Variants in CCDC28A observed in about 807,000 individuals in gnomAD.
CCDC28A encodes the protein coiled-coil domain-containing protein 28A.
CCDC28A carries 24 observed loss-of-function variants against 22.1 expected under a neutral mutation model. The observed-to-expected ratio is 1.09, with a 90% CI of 0.79 to 1.53. The LOEUF (loss-of-function observed/expected upper bound fraction) is 1.53, where lower values mean the gene tolerates loss of function less well. Among genes scored for constraint, CCDC28A ranks in the 40% most tolerant of loss-of-function variants. CCDC28A has a pLI of 0.00. For missense variants in CCDC28A, 170 were observed against 210.7 expected (o/e 0.81, Z 1.20); for synonymous variants, 83 against 74.7 (o/e 1.11, Z -0.57).
intron 4 of CCDC28A, among the ~76,000 whole-genome samples, chr6:138,788,117 C>T (rs764677499): frequency 6.6e-6 from 1 of 151,244 alleles, no homozygotes; most frequent in Non-Finnish European, 1.5e-5. Context: ...TGCGTCACCA[C>T]GCCTGTCTAA....
chr6:138,776,857 T>C (rs1774941439), intron 2 of CCDC28A, among the ~76,000 whole-genome samples: 1 of 152,144 alleles, frequency 6.6e-6, no homozygotes, highest in South Asian at 2.1e-4. Context: ...GTCATTGTTT[T>C]TGTATAAACT....
intron 2 of CCDC28A, among the ~76,000 whole-genome samples, chr6:138,778,793 A>G (rs1353638287): frequency 6.8e-6 from 1 of 146,536 alleles, no homozygotes; most frequent in Non-Finnish European, 1.5e-5. Context: ...TTTGACACGG[A>G]GTCTCGCTCT....
intron 4 of CCDC28A, among the ~76,000 whole-genome samples, chr6:138,787,627 T>G (rs1217698238): frequency 1.3e-5 from 2 of 152,172 alleles, no homozygotes; most frequent in Non-Finnish European, 2.9e-5. Context: ...ATGATTGTTA[T>G]TATGCCTGGT....
At chr6:138,785,466 A>C in intron 4 of CCDC28A, 85 bp downstream of exon 4, 1 of 957,660 alleles carries the variant, frequency 1.0e-6, no homozygotes, top group South Asian at 1.6e-5. Context: ...TAATGTATAC[A>C]ATCACGTGGT....
rs570098099 is a variant in CCDC28A at position 138,793,158 on chromosome 6, C to T, written c.*355C>T. 2.9e-4 allele frequency: 63 copies of T among 219,334 alleles called. No homozygotes were observed. The highest frequency in any genetic ancestry group is 1.3e-3 in the African/African-American group (55 of 43,004). 13.6% of individuals were successfully genotyped at this position (219,334 alleles called of 1,614,324 possible). A position where few individuals can be genotyped will look rare whatever the true frequency, so the allele number is the denominator to read the frequency against. ...TCACCAAACTTATTCCAGTGTTGAT[C>T]GCAAGCTGTTGATGCACAGGCGTCT... On this transcript the variant is annotated 3_prime_UTR_variant, in exon 6 of 6. Coordinates refer to ENST00000617445, the MANE Select transcript of CCDC28A (RefSeq NM_015439.3).
rs761780999 is a variant in CCDC28A, at chr6:138,776,148, AG to A, written c.29del (p.Ser10IlefsTer22). 1.1e-5 allele frequency: 17 copies of A among 1,614,072 alleles called. No homozygotes were observed. In the African/African-American group the frequency reaches 1.2e-4, roughly 11 times the overall value. MEERKVKRR[S>X]PKSFSAHCTQ... ...GGAAGAGCGGAAAGTGAAGAGGAGGAGTCCTAAGTCTTTTAGTGCCCACTGT... is the reference window on the plus strand; with the variant it reads ...GGAAGAGCGGAAAGTGAAGAGGAGGATCCTAAGTCTTTTAGTGCCCACTGT... On this transcript the variant is annotated frameshift_variant, in exon 2 of 6. Coordinates refer to ENST00000617445, the MANE Select transcript of CCDC28A (RefSeq NM_015439.3). LOFTEE classifies it high-confidence loss of function.
At chr6:138,790,030 G>T (rs1387652099) in intron 5 of CCDC28A, among the ~76,000 whole-genome samples, 1 of 152,160 alleles carries the variant, frequency 6.6e-6, no homozygotes, top group Non-Finnish European at 1.5e-5. Context: ...GTTAAAGAAG[G>T]GGGTAAGACT....
chr6:138,773,991 G>A, intron 1 of CCDC28A, 89 bp downstream of exon 1: 2 of 1,472,928 alleles, frequency 1.4e-6, no homozygotes, highest in East Asian at 2.3e-5. Flanking sequence ...GGGCGGTGAA[G>A]GGTCATCGCT....
intron 4 of CCDC28A, among the ~76,000 whole-genome samples, chr6:138,787,626 A>G (rs1775112563): frequency 6.6e-6 from 1 of 152,082 alleles, no homozygotes; most frequent in South Asian, 2.1e-4. Context: ...GATGATTGTT[A>G]TTATGCCTGG....
rs1775004869 is a variant in CCDC28A at position 138,780,681 on chromosome 6, TC to T, written c.322+697del. Among the ~76,000 whole-genome samples the T allele has an allele frequency of 3.3e-5, 5 of 151,734 alleles. No individual in the cohort carries two copies. The South Asian group carries it at 1.0e-3, about 32-fold the overall frequency. On this transcript the variant is annotated intron_variant, in intron 3 of 5. Transcript: ENST00000617445. ...CCTCCACCTCTCGGGTTCAAGTGAT[TC>T]TCCTGCCTCAACCTCCCCAGTAGCT...
At chr6:138,778,398 G>T (rs1336151629) in intron 2 of CCDC28A, among the ~76,000 whole-genome samples, 1 of 152,078 alleles carries the variant, frequency 6.6e-6, no homozygotes, top group Non-Finnish European at 1.5e-5. Flanking sequence ...GCCTTCTCTG[G>T]TTGGTCCCAC....
intron 2 of CCDC28A, 32 bp from the exon 3 acceptor site, chr6:138,779,790 C>A: frequency 6.4e-7 from 1 of 1,560,058 alleles, no homozygotes; most frequent in Non-Finnish European, 8.7e-7. Flanking sequence ...TCTAGAATAG[C>A]CTAAAAAGCC....
chr6:138,782,120 A>G (rs1013192757), intron 3 of CCDC28A, among the ~76,000 whole-genome samples: 2 of 151,732 alleles, frequency 1.3e-5, no homozygotes, highest in African/African-American at 4.8e-5. Flanking sequence ...GACCACTTCC[A>G]CGTCTTTGCT....
intron 2 of CCDC28A, among the ~76,000 whole-genome samples, chr6:138,777,384 G>A (rs1774951040): frequency 6.6e-6 from 1 of 152,214 alleles, no homozygotes; most frequent in African/African-American, 2.4e-5. Context: ...TTATCAGAAT[G>A]GGGTTTTTGT....
At position 138,793,132 on chromosome 6, in the gene CCDC28A, C is replaced by T. The variant is rs971793383; in HGVS notation, c.*329C>T. 3.4e-5 allele frequency: 9 copies of T among 266,938 alleles called. No individual in the cohort carries two copies. Among genetic ancestry groups the T allele is most frequent in the Non-Finnish European group, 5.1e-5 (7 of 138,226 alleles). The allele number at this position is 266,938 out of a possible 1,614,324, so 16.5% of individuals were successfully genotyped here. A position where few individuals can be genotyped will look rare whatever the true frequency, so the allele number is the denominator to read the frequency against. On this transcript the variant is annotated 3_prime_UTR_variant, in exon 6 of 6. Transcript: ENST00000617445. ...GGCGGAGGGATTTCTCTTTCCTGAGCTCACCAAACTTATTCCAGTGTTGAT... is the reference window on the plus strand; with the variant it reads ...GGCGGAGGGATTTCTCTTTCCTGAGTTCACCAAACTTATTCCAGTGTTGAT...
In CCDC28A at chr6:138,776,106, A is replaced by C; in HGVS notation, c.-15A>C. The stretch of plus-strand genomic sequence containing the variant: ...CTTAAGAAGCTGGCCGTGGTGCAAT[A>C]AGGAACTTAAAACAATGGAAGAGCG... On this transcript the variant is annotated 5_prime_UTR_variant, in exon 2 of 6. Transcript: ENST00000617445. 1 of 1,614,068 alleles carries C rather than the reference A, an allele frequency of 6.2e-7. No individual in the cohort carries two copies. Among genetic ancestry groups the C allele is most frequent in the African/African-American group, 1.3e-5 (1 of 75,030 alleles).
intron 3 of CCDC28A, among the ~76,000 whole-genome samples, 154 bp downstream of exon 3, chr6:138,780,139 A>C (rs1263810995): frequency 6.6e-6 from 1 of 152,226 alleles, no homozygotes; most frequent in Non-Finnish European, 1.5e-5. Context: ...TTTGTCTTAG[A>C]ATATAATTTG....
chr6:138,784,130 G>A (rs993108911), intron 3 of CCDC28A, among the ~76,000 whole-genome samples: 5 of 150,872 alleles, frequency 3.3e-5, no homozygotes, highest in Non-Finnish European at 5.9e-5. Flanking sequence ...CAAGGGATCC[G>A]TCAGCCTTGG....
intron 1 of CCDC28A, among the ~76,000 whole-genome samples, chr6:138,774,555 A>ACTGG (rs1464338365): frequency 6.6e-6 from 1 of 152,228 alleles, no homozygotes; most frequent in Non-Finnish European, 1.5e-5. Flanking sequence ...GGGATTAGAG[A>ACTGG]CTGGGCATTG....
Sources: allele counts gnomAD v4.1 joint callset (sites outside exome capture counted in the v4.1 genomes callset), GRCh38; gene constraint gnomAD v4.1.1; transcripts MANE v1.5; gene names NCBI Gene and HGNC (gene_info 2026-07-23, HGNC 2026-07-21).